Variants in INPP4B observed in about 807,000 individuals in gnomAD.
INPP4B encodes inositol polyphosphate 4-phosphatase type II.
A neutral mutation model predicts 122.5 loss-of-function variants in INPP4B; 55 were observed. The ratio of observed to expected loss-of-function variants is 0.45; its 90% CI spans 0.36 to 0.56. The LOEUF (loss-of-function observed/expected upper bound fraction) is 0.56. Among genes scored for constraint, INPP4B ranks in the 20% least tolerant of loss-of-function variants. INPP4B has a pLI of 0.00. For synonymous variants in INPP4B, 403 were observed against 388.7 expected, an observed-to-expected ratio of 1.04 and a Z score of -0.43; for missense variants, 1,000 against 1,097.7, an observed-to-expected ratio of 0.91 and a Z score of 1.26.
In INPP4B at chr4:142,146,057, G is replaced by A. The variant is rs118168718; in HGVS notation, c.1564-61C>T. On this transcript the variant is annotated intron_variant, in intron 17 of 25. Transcript: ENST00000262992. ...CACAAAAACAAGATAAGGCAAAGTC[G>A]GATAAATCTATTTTAGAGAAGCATT... 1.7e-3 allele frequency: 2,665 copies of A among 1,545,196 alleles called. 8 individuals are homozygous for A. Among genetic ancestry groups the A allele is most frequent in the Non-Finnish European group, 2.1e-3 (2,400 of 1,134,506 alleles).
chr4:142,626,229 A>G (rs547777341), intron 2 of INPP4B, among the ~76,000 whole-genome samples: 404 of 152,224 alleles, frequency 2.7e-3, no homozygotes, highest in African/African-American at 9.0e-3. Context: ...GAACATGAGC[A>G]GAACTGTGAA....
At chr4:142,257,156 C>T (rs1026369652) in intron 11 of INPP4B, among the ~76,000 whole-genome samples, 3 of 152,086 alleles carry the variant, frequency 2.0e-5, no homozygotes, top group Admixed American at 6.6e-5. Flanking sequence ...AATTCAACAA[C>T]CCTTCATGCT....
intron 2 of INPP4B, among the ~76,000 whole-genome samples, chr4:142,582,218 A>C (rs972548351): frequency 3.3e-5 from 5 of 152,016 alleles, no homozygotes; most frequent in African/African-American, 1.2e-4. Flanking sequence ...ATCTACTCAC[A>C]AATGGCTATA....
chr4:142,794,456 T>G (rs1162283554), intron 1 of INPP4B, among the ~76,000 whole-genome samples: 1 of 151,964 alleles, frequency 6.6e-6, no homozygotes. Context: ...ATTAGATCCC[T>G]ACTTACACCA....
At chr4:142,216,032 T>A (rs187327526) in intron 12 of INPP4B, among the ~76,000 whole-genome samples, 2 of 151,240 alleles carry the variant, frequency 1.3e-5, no homozygotes, top group Admixed American at 6.6e-5. Flanking sequence ...AATGCTTTTT[T>A]AAATTCATAT....
chr4:142,240,760 A>G (rs933039658), intron 11 of INPP4B, among the ~76,000 whole-genome samples: 1 of 152,162 alleles, frequency 6.6e-6, no homozygotes, highest in Admixed American at 6.6e-5. Context: ...CCTCCTATGT[A>G]TCATAAAATA....
At chr4:142,174,916 G>T (rs994304078) in intron 15 of INPP4B, among the ~76,000 whole-genome samples, 1 of 152,008 alleles carries the variant, frequency 6.6e-6, no homozygotes, top group Non-Finnish European at 1.5e-5. Flanking sequence ...CAGGCTTGAG[G>T]ATTATTGACT....
chr4:142,145,976 C>T lies in INPP4B; in HGVS notation c.1584G>A (p.Val528=). 1 of 1,613,464 alleles carries T rather than the reference C, an allele frequency of 6.2e-7. No homozygotes were observed. The highest frequency in any genetic ancestry group is 8.5e-7 in the Non-Finnish European group (1 of 1,179,556). ...CAATAATGCAGTTCAGGCTCTTCCC[C>T]ACATTGGCCCACACCCTGTCCTGAA... The part of the protein sequence containing the change: ...EEEWDRVWAN[V]GKSLNCIIAM... The change falls in exon 18 of 26, where the codon GTG becomes GTA. Residue 528 remains valine (V), a synonymous_variant. Transcript: ENST00000262992.
At chr4:142,309,092 T>A (rs1764480553) in intron 8 of INPP4B, among the ~76,000 whole-genome samples, 1 of 151,900 alleles carries the variant, frequency 6.6e-6, no homozygotes, top group South Asian at 2.1e-4. Flanking sequence ...TATGAGAAAA[T>A]TAAAGAAATC....
chr4:142,579,879 GTAGATAGATAGATAGATAGA>G lies in INPP4B; in HGVS notation c.-190-117173_-190-117154del, dbSNP rs34007661. Reference sequence around the variant, plus strand: ...AATGGATAGATAGATAGATAGGTAGGTAGATAGATAGATAGATAGATAGATAGATAGATAGATAGATAGAT... The same window carrying G: ...AATGGATAGATAGATAGATAGGTAGGTAGATAGATAGATAGATAGATAGAT... On this transcript the variant is annotated intron_variant, in intron 2 of 25. Coordinates refer to ENST00000262992, the MANE Select transcript of INPP4B (RefSeq NM_001101669.3). Among the ~76,000 whole-genome samples the G allele has an allele frequency of 6.3e-5, 9 of 142,592 alleles. No homozygotes were observed. In the South Asian group the frequency reaches 6.9e-4, roughly 11 times the overall value. The allele number at this position is 142,592 out of a possible 152,430, so 93.5% of individuals were successfully genotyped here.
intron 23 of INPP4B, among the ~76,000 whole-genome samples, chr4:142,104,990 T>C (rs961348766): frequency 6.6e-6 from 1 of 152,074 alleles, no homozygotes; most frequent in Admixed American, 6.6e-5. Flanking sequence ...GGACCAACAA[T>C]ATAGTACTTT....
intron 2 of INPP4B, among the ~76,000 whole-genome samples, chr4:142,672,478 G>C (rs902833861): frequency 1.2e-4 from 18 of 152,170 alleles, no homozygotes; most frequent in African/African-American, 4.3e-4. Flanking sequence ...GTATTCCCTT[G>C]TGGTTTCAAT....
In INPP4B at chr4:142,317,493, A is replaced by T. The variant is rs147864448; in HGVS notation, c.373-2731T>A. The stretch of plus-strand genomic sequence containing the variant: ...AATGAAACTGAGTATTCCAACGCGC[A>T]TTATCCAGGGAGATGGTGTTGTCCT... On this transcript the variant is annotated intron_variant, in intron 7 of 25. Coordinates refer to ENST00000262992, the MANE Select transcript of INPP4B (RefSeq NM_001101669.3). The T allele has an allele frequency of 3.1e-3, 853 of 275,718 alleles. 9 individuals carry two copies. Among genetic ancestry groups the T allele is most frequent in the African/African-American group, 0.018 (788 of 43,978 alleles). The allele number at this position is 275,718 out of a possible 1,614,324, so 17.1% of individuals were successfully genotyped here.
intron 2 of INPP4B, among the ~76,000 whole-genome samples, chr4:142,499,177 C>A (rs773729058): frequency 4.6e-5 from 7 of 152,106 alleles, no homozygotes; most frequent in Non-Finnish European, 7.4e-5. Flanking sequence ...AGAAAAAATA[C>A]TCCATAAAAA....
intron 3 of INPP4B, among the ~76,000 whole-genome samples, chr4:142,460,845 T>G (rs1339252684): frequency 1.4e-5 from 2 of 143,668 alleles, no homozygotes; most frequent in African/African-American, 5.0e-5. Context: ...TTTTTCAGAC[T>G]TTTAGTGCTG....
At chr4:142,359,882 A>G (rs1784837051) in intron 7 of INPP4B, among the ~76,000 whole-genome samples, 1 of 151,930 alleles carries the variant, frequency 6.6e-6, no homozygotes, top group African/African-American at 2.4e-5. Context: ...AGTTTATCCG[A>G]TCATGCTGAA....
intron 3 of INPP4B, among the ~76,000 whole-genome samples, chr4:142,446,028 A>T (rs1006418274): frequency 1.3e-5 from 2 of 152,078 alleles, no homozygotes; most frequent in African/African-American, 4.8e-5. Context: ...CTTGGAGGAA[A>T]ATTTGTTGTA....
chr4:142,589,066 T>C (rs1303310380), intron 2 of INPP4B, among the ~76,000 whole-genome samples: 2 of 152,040 alleles, frequency 1.3e-5, no homozygotes, highest in Admixed American at 1.3e-4. Flanking sequence ...AGTTGATTTT[T>C]TTCCAAAGAA....
At chr4:142,275,471 A>G (rs923471199) in intron 9 of INPP4B, among the ~76,000 whole-genome samples, 3 of 151,774 alleles carry the variant, frequency 2.0e-5, no homozygotes, top group Non-Finnish European at 4.4e-5. Context: ...AACCATCTAG[A>G]CATGTAAGCA....
Sources: allele counts gnomAD v4.1 joint callset (sites outside exome capture counted in the v4.1 genomes callset), GRCh38; gene constraint gnomAD v4.1.1; transcripts MANE v1.5; gene names NCBI Gene and HGNC (gene_info 2026-07-23, HGNC 2026-07-21).